MYO3B: variants seen among roughly 807,000 people sequenced by gnomAD.
MYO3B encodes myosin IIIB, also known as myosin-IIIb.
MYO3B carries 156 observed loss-of-function variants against 174.6 expected under a neutral mutation model. The ratio of observed to expected loss-of-function variants is 0.89; its 90% CI spans 0.78 to 1.02. The LOEUF is 1.02. Among genes scored for constraint, MYO3B ranks in the 50% least tolerant of loss-of-function variants. MYO3B has a pLI of 0.00. For missense variants in MYO3B, 1,632 were observed against 1,639.4 expected, an observed-to-expected ratio of 1.00 and a Z score of 0.08; for synonymous variants, 563 against 569.1, an observed-to-expected ratio of 0.99 and a Z score of 0.15.
intron 29 of MYO3B, among the ~76,000 whole-genome samples, chr2:170,518,815 G>A (rs1688481396): frequency 6.6e-6 from 1 of 152,186 alleles, no homozygotes; most frequent in South Asian, 2.1e-4. Context: ...GACAACCACT[G>A]ATGTGAAGTG....
chr2:170,456,012 CAA>C (rs1683886490), intron 23 of MYO3B, among the ~76,000 whole-genome samples: 1 of 152,070 alleles, frequency 6.6e-6, no homozygotes, highest in African/African-American at 2.4e-5. Context: ...AATAAACTGA[CAA>C]GAGGCAGATT....
intron 7 of MYO3B, among the ~76,000 whole-genome samples, chr2:170,330,529 A>G (rs1334918641): frequency 1.3e-5 from 2 of 152,168 alleles, no homozygotes; most frequent in Non-Finnish European, 2.9e-5. Context: ...GATTATTGCA[A>G]TGTTTGGTTG....
chr2:170,416,728 T>C (rs569262197), intron 22 of MYO3B, among the ~76,000 whole-genome samples: 3 of 151,768 alleles, frequency 2.0e-5, no homozygotes, highest in South Asian at 2.1e-4. Flanking sequence ...GTTTTTGTTT[T>C]GTTCCTTAGG....
intron 32 of MYO3B, among the ~76,000 whole-genome samples, chr2:170,610,836 T>A (rs58415780): frequency 0.042 from 6,403 of 152,260 alleles, 443 homozygotes; most frequent in African/African-American, 0.14. Flanking sequence ...TTTATTTTGA[T>A]GTGAGATGCT....
intron 32 of MYO3B, among the ~76,000 whole-genome samples, chr2:170,580,718 A>ATATATATATATATG (rs768974458): frequency 4.9e-5 from 7 of 142,702 alleles, no homozygotes; most frequent in African/African-American, 1.3e-4. Flanking sequence ...AACCTTATAT[A>ATATATATATATATG]TGTGTGTGTG....
chr2:170,333,627 C>A (rs1371506853), intron 7 of MYO3B, among the ~76,000 whole-genome samples: 2 of 152,088 alleles, frequency 1.3e-5, no homozygotes, highest in Non-Finnish European at 2.9e-5. Flanking sequence ...TTTGGACATA[C>A]TATGCTTTTT....
intron 7 of MYO3B, among the ~76,000 whole-genome samples, chr2:170,292,460 T>A (rs1340326552): frequency 6.6e-6 from 1 of 152,116 alleles, no homozygotes; most frequent in Non-Finnish European, 1.5e-5. Context: ...AGGTAATGGG[T>A]CTGTTTGCTG....
intron 23 of MYO3B, among the ~76,000 whole-genome samples, chr2:170,444,930 G>A (rs1352340108): frequency 2.0e-5 from 3 of 152,152 alleles, no homozygotes; most frequent in African/African-American, 4.8e-5. Flanking sequence ...TCTTGATAGC[G>A]CATGTAAAAT....
intron 8 of MYO3B, among the ~76,000 whole-genome samples, chr2:170,357,356 A>T (rs1295062093): frequency 7.0e-6 from 1 of 143,714 alleles, no homozygotes; most frequent in South Asian, 2.2e-4. Flanking sequence ...TATATATTTT[A>T]TATATTATAT....
chr2:170,494,835 A>G (rs1395992863), intron 25 of MYO3B, among the ~76,000 whole-genome samples: 1 of 152,138 alleles, frequency 6.6e-6, no homozygotes, highest in African/African-American at 2.4e-5. Context: ...GCATTTTCCA[A>G]GATAGAATTT....
chr2:170,347,830 A>T (rs2105586101), intron 8 of MYO3B: 1 of 152,348 alleles, frequency 6.6e-6, no homozygotes, highest in Non-Finnish European at 1.5e-5. Flanking sequence ...TGCAACCACC[A>T]CTTTGATCTA....
intron 32 of MYO3B, among the ~76,000 whole-genome samples, chr2:170,561,177 G>A (rs1691687267): frequency 1.3e-5 from 2 of 152,146 alleles, no homozygotes; most frequent in Non-Finnish European, 2.9e-5. Flanking sequence ...CACTGGGAGG[G>A]CACTGGGAAA....
intron 32 of MYO3B, among the ~76,000 whole-genome samples, chr2:170,559,498 G>C (rs1691567270): frequency 6.6e-6 from 1 of 152,132 alleles, no homozygotes; most frequent in Non-Finnish European, 1.5e-5. Flanking sequence ...GCCATGCCTG[G>C]GGGATTATTG....
chr2:170,371,354 T>C (rs1175261519), intron 9 of MYO3B, among the ~76,000 whole-genome samples: 1 of 152,008 alleles, frequency 6.6e-6, no homozygotes, highest in African/African-American at 2.4e-5. Context: ...CCTCATGTGG[T>C]GGCAAAGGCT....
At chr2:170,464,709 G>C (rs1180375046) in intron 24 of MYO3B, among the ~76,000 whole-genome samples, 1 of 152,112 alleles carries the variant, frequency 6.6e-6, no homozygotes, top group Admixed American at 6.5e-5. Flanking sequence ...GTGGAAGGTG[G>C]GCCCCTGCCT....
At chr2:170,276,055 C>T (rs1196218959) in intron 7 of MYO3B, among the ~76,000 whole-genome samples, 1 of 152,150 alleles carries the variant, frequency 6.6e-6, no homozygotes, top group East Asian at 1.9e-4. Flanking sequence ...GTGTCACCTC[C>T]TGGAAGCAAT....
intron 25 of MYO3B, among the ~76,000 whole-genome samples, chr2:170,492,819 G>C (rs1202208797): frequency 1.3e-5 from 2 of 152,188 alleles, no homozygotes; most frequent in Admixed American, 6.5e-5. Flanking sequence ...CAGTTTCTCA[G>C]ACTTATGTCC....
At chr2:170,546,887 T>C (rs1434218784) in intron 32 of MYO3B, among the ~76,000 whole-genome samples, 2 of 152,114 alleles carry the variant, frequency 1.3e-5, no homozygotes, top group African/African-American at 4.8e-5. Context: ...AACTTCGTTA[T>C]TCTATGAAGG....
At chr2:170,486,533 TC>T (rs1215410551) in intron 25 of MYO3B, among the ~76,000 whole-genome samples, 1 of 152,154 alleles carries the variant, frequency 6.6e-6, no homozygotes, top group African/African-American at 2.4e-5. Flanking sequence ...ACTCCTGACC[TC>T]AGGTGATCCG....
Sources: allele counts gnomAD v4.1 joint callset (sites outside exome capture counted in the v4.1 genomes callset), GRCh38; gene constraint gnomAD v4.1.1; transcripts MANE v1.5; gene names NCBI Gene and HGNC (gene_info 2026-07-23, HGNC 2026-07-21).